Variants in LPO observed in about 807,000 individuals in gnomAD.
The protein encoded by LPO is salivary peroxidase.
LPO carries 70 observed loss-of-function variants against 68.4 expected under a neutral mutation model. The ratio of observed to expected loss-of-function variants is 1.02; its 90% CI spans 0.84 to 1.25. LPO has a LOEUF of 1.25. LPO is among the 50% of genes most tolerant of loss of function. The pLI, the probability that LPO is intolerant of heterozygous loss-of-function variation, is 0.00. For missense variants in LPO, 873 were observed against 908.4 expected (o/e 0.96, Z 0.50); for synonymous variants, 360 against 357.6 (o/e 1.01, Z -0.08).
At chr17:58,254,658 C>A (rs1165328526) in intron 8 of LPO, 153 bp from the exon 9 acceptor site, 1 of 654,478 alleles carries the variant, frequency 1.5e-6, no homozygotes, top group Admixed American at 2.9e-5. Flanking sequence ...AGTACCCCCT[C>A]CCCATCCCTA....
chr17:58,249,286 C>G, intron 5 of LPO, 109 bp downstream of exon 5: 1 of 1,046,424 alleles, frequency 9.6e-7, no homozygotes, highest in Non-Finnish European at 1.4e-6. Flanking sequence ...GCCTTGCCCA[C>G]CTGGGCTGGC....
At chr17:58,260,575 T>C (rs921602759) in intron 9 of LPO, among the ~76,000 whole-genome samples, 5 of 152,230 alleles carry the variant, frequency 3.3e-5, no homozygotes, top group African/African-American at 1.2e-4. Context: ...ATTCCTAGTG[T>C]AATGAGAGTT....
Position 58,249,078 on chromosome 17 carries a change from C to T in LPO, c.344C>T (p.Thr115Ile). Residue 115 changes from threonine to isoleucine, a missense_variant, in exon 5 of 13, where the codon ACT becomes ATT. Physicochemically the swap from Thr to Ile is moderately conservative, Grantham distance 89. Coordinates refer to ENST00000262290, the MANE Select transcript of LPO (RefSeq NM_006151.3). ...TNVTDPSLDL[T>I]SLSLEVGCGA... ...GTTTCAGATCCCAGCCTGGACTTGA[C>T]TTCACTGTCTCTGGAGGTGGGCTGT... 1 of 1,614,178 alleles carries T rather than the reference C, an allele frequency of 6.2e-7. No individual in the cohort carries two copies. The highest frequency in any genetic ancestry group is 1.1e-5 in the South Asian group (1 of 91,082).
rs67390833 is a variant in LPO, at chr17:58,244,090, G to GACACACACAC, written c.164+42_164+51dup. The GACACACACAC allele has an allele frequency of 1.5e-4, 154 of 1,061,404 alleles. No individual in the cohort carries two copies. The highest frequency in any genetic ancestry group is 8.5e-4 in the Middle Eastern group (4 of 4,720). 65.7% of individuals were successfully genotyped at this position (1,061,404 alleles called of 1,614,324 possible). On this transcript the variant is annotated intron_variant, in intron 3 of 12. Transcript: ENST00000262290. ...CTGGACTCCCGAACCAGGTACGTGA[G>GACACACACAC]ACACACACACACACACACACACACA...
chr17:58,242,095 C>T (rs760970078), intron 1 of LPO, among the ~76,000 whole-genome samples: 1 of 152,190 alleles, frequency 6.6e-6, no homozygotes, highest in Non-Finnish European at 1.5e-5. Flanking sequence ...ATGGTCTAAA[C>T]ACACAATCAT....
At chr17:58,242,740 A>G (rs1969779977) in intron 1 of LPO, 1 of 460,050 alleles carries the variant, frequency 2.2e-6, no homozygotes, top group Non-Finnish European at 3.9e-6. Context: ...TCAGGGCCTT[A>G]GATCCTGAAG....
chr17:58,267,678 A>C (rs1970298466), intron 12 of LPO, 92 bp downstream of exon 12: 1 of 1,452,358 alleles, frequency 6.9e-7, no homozygotes, highest in Non-Finnish European at 9.5e-7. Flanking sequence ...TCCGGATCTC[A>C]GTGTGAGTAG....
rs541300134 is a variant in LPO, at chr17:58,242,882, T to G, written c.-2-96T>G. The stretch of plus-strand genomic sequence containing the variant: ...CCTTTCCTGTTCCAATATTAGGGTG[T>G]CTGGTGCTCCTTTGGCTTTCTCTGC... On this transcript the variant is annotated intron_variant, in intron 1 of 12. Coordinates refer to ENST00000262290, the MANE Select transcript of LPO (RefSeq NM_006151.3). 8.5e-6 allele frequency: 8 copies of G among 945,764 alleles called. No homozygotes were observed. The East Asian group carries it at 1.9e-4, about 23-fold the overall frequency. 58.6% of individuals were successfully genotyped at this position (945,764 alleles called of 1,614,324 possible). A position where few individuals can be genotyped will look rare whatever the true frequency, so the allele number is the denominator to read the frequency against.
intron 9 of LPO, among the ~76,000 whole-genome samples, chr17:58,260,276 T>C (rs763433172): frequency 3.3e-5 from 5 of 152,250 alleles, no homozygotes; most frequent in Non-Finnish European, 7.3e-5. Context: ...CTGCTGTAGA[T>C]TACTTGGATT....
intron 9 of LPO, among the ~76,000 whole-genome samples, chr17:58,263,678 T>A (rs532048438): frequency 6.6e-6 from 1 of 151,962 alleles, no homozygotes; most frequent in South Asian, 2.1e-4. Context: ...AGGTCAAGGC[T>A]ACAGTGAGCC....
rs61741815 is a variant in LPO, at chr17:58,264,897, A to G, written c.1442A>G (p.Asn481Ser). The change falls in exon 10 of 13, where the codon AAT becomes AGT. Residue 481 changes from asparagine (N) to serine (S), a missense_variant. Transcript: ENST00000262290. Reference sequence around the variant, plus strand: ...TCTAGTATGTTCCGCCTGGATGAGAATTATCAGCCATGGGGGCCAGAACCA... The same window carrying G: ...TCTAGTATGTTCCGCCTGGATGAGAGTTATCAGCCATGGGGGCCAGAACCA... Reference protein sequence around the residue: ...VPSSMFRLDENYQPWGPEPEL... With the variant: ...VPSSMFRLDESYQPWGPEPEL... 3.4e-5 allele frequency: 55 copies of G among 1,614,204 alleles called. No homozygotes were observed. Among genetic ancestry groups the G allele is most frequent in the Non-Finnish European group, 4.5e-5 (53 of 1,180,046 alleles).
At chr17:58,248,931 G>GA in intron 4 of LPO, 129 bp from the exon 5 acceptor site, 4 of 750,082 alleles carry the variant, frequency 5.3e-6, no homozygotes, top group Non-Finnish European at 7.3e-6. Context: ...AACCACTTGA[G>GA]AAACGCTTAC....
intron 11 of LPO, among the ~76,000 whole-genome samples, chr17:58,266,797 G>A (rs1970275866): frequency 6.6e-6 from 1 of 152,150 alleles, no homozygotes; most frequent in African/African-American, 2.4e-5. Context: ...CTATGAAACA[G>A]AATGTCCCAT....
At chr17:58,257,126 G>A (rs1412574845) in intron 9 of LPO, among the ~76,000 whole-genome samples, 1 of 151,246 alleles carries the variant, frequency 6.6e-6, no homozygotes, top group Non-Finnish European at 1.5e-5. Context: ...TAGAGATAGG[G>A]TTTCACCGTG....
intron 3 of LPO, among the ~76,000 whole-genome samples, chr17:58,246,549 T>A (rs763347113): frequency 2.0e-5 from 3 of 152,120 alleles, no homozygotes; most frequent in Non-Finnish European, 4.4e-5. Context: ...GAATCTGTGT[T>A]CAGGCAGAGG....
intron 9 of LPO, among the ~76,000 whole-genome samples, chr17:58,263,698 T>C (rs952414395): frequency 6.6e-6 from 1 of 151,962 alleles, no homozygotes; most frequent in African/African-American, 2.4e-5. Flanking sequence ...CAAGATGGCA[T>C]CACTGCATTC....
intron 9 of LPO, among the ~76,000 whole-genome samples, chr17:58,256,644 T>C (rs1463960324): frequency 1.3e-5 from 2 of 151,860 alleles, no homozygotes; most frequent in Non-Finnish European, 2.9e-5. Context: ...TGAAACCTTG[T>C]CTCTACTAAA....
chr17:58,247,776 C>G (rs1174249647), intron 4 of LPO, 138 bp downstream of exon 4: 6 of 973,066 alleles, frequency 6.2e-6, no homozygotes, highest in South Asian at 3.5e-5. Flanking sequence ...TTCTTAGACC[C>G]GTAGACGAGA....
chr17:58,266,132 C>T, intron 10 of LPO, 21 bp from the exon 11 acceptor site: 1 of 1,610,724 alleles, frequency 6.2e-7, no homozygotes, highest in Non-Finnish European at 8.5e-7. Flanking sequence ...CTAAGCATGG[C>T]TTCTGGGTCT....
Sources: allele counts gnomAD v4.1 joint callset (sites outside exome capture counted in the v4.1 genomes callset), GRCh38; gene constraint gnomAD v4.1.1; transcripts MANE v1.5; gene names NCBI Gene and HGNC (gene_info 2026-07-23, HGNC 2026-07-21).